Variants in ZCCHC8 observed in about 807,000 individuals in gnomAD.
The protein encoded by ZCCHC8 is zinc finger CCHC domain-containing protein 8.
ZCCHC8 carries 27 observed loss-of-function variants against 70.6 expected under a neutral mutation model. The observed-to-expected ratio is 0.38, with a 90% confidence interval of 0.28 to 0.53. ZCCHC8 has a LOEUF of 0.53. ZCCHC8 is among the 20% of genes least tolerant of loss of function. The pLI, the probability that ZCCHC8 is intolerant of heterozygous loss-of-function variation, is 0.81. For missense variants in ZCCHC8, 737 were observed against 876.9 expected, an observed-to-expected ratio of 0.84 and a Z score of 2.01; for synonymous variants, 293 against 317.4, an observed-to-expected ratio of 0.92 and a Z score of 0.82.
chr12:122,478,171 A>C (rs1170834266), intron 12 of ZCCHC8, 35 bp downstream of exon 12: 2 of 1,504,172 alleles, frequency 1.3e-6, no homozygotes, highest in African/African-American at 2.8e-5. Context: ...AGACACAACA[A>C]CATTTTATAG....
At chr12:122,476,518 C>G (rs890813803) in intron 13 of ZCCHC8, among the ~76,000 whole-genome samples, 1 of 151,466 alleles carries the variant, frequency 6.6e-6, no homozygotes, top group Non-Finnish European at 1.5e-5. Flanking sequence ...TGCTTGATCC[C>G]AGGAGTCTGA....
chr12:122,476,783 G>C (rs1176731876), intron 13 of ZCCHC8, among the ~76,000 whole-genome samples: 1 of 152,100 alleles, frequency 6.6e-6, no homozygotes, highest in Non-Finnish European at 1.5e-5. Context: ...AGCACTTTGG[G>C]AGGTGGAGGC....
chr12:122,473,743 A>T lies in ZCCHC8; in HGVS notation c.1878T>A (p.Asn626Lys), dbSNP rs1957359194. ...TGTCACAGTTTGGTACGACACTGCCATTATCAAGAAGGGCACCTTCAGTGT... is the reference window on the plus strand; with the variant it reads ...TGTCACAGTTTGGTACGACACTGCCTTTATCAAGAAGGGCACCTTCAGTGT... ...PVNTEGALLD[N>K]GSVVPNCDIS... Residue 626 changes from asparagine to lysine, a missense_variant, in exon 14 of 14, where the codon AAT becomes AAA. Asn to Lys is a moderately conservative substitution (Grantham distance 94). Coordinates refer to ENST00000633063, the MANE Select transcript of ZCCHC8 (RefSeq NM_017612.5). 1.9e-6 allele frequency: 3 copies of T among 1,613,784 alleles called. No homozygotes were observed. The highest frequency in any genetic ancestry group is 1.6e-4 in the Middle Eastern group (1 of 6,062).
intron 11 of ZCCHC8, among the ~76,000 whole-genome samples, chr12:122,479,128 T>G (rs1318292499): frequency 6.6e-6 from 1 of 152,250 alleles, no homozygotes; most frequent in African/African-American, 2.4e-5. Flanking sequence ...CAGGCTAAAG[T>G]GCAATGGCAC....
chr12:122,489,303 C>G, intron 5 of ZCCHC8, 83 bp downstream of exon 5: 6 of 1,304,244 alleles, frequency 4.6e-6, no homozygotes, highest in Non-Finnish European at 6.5e-6. Context: ...GACTATACTA[C>G]TTTATCTTTT....
Position 122,473,634 on chromosome 12 carries a change from T to G in ZCCHC8, c.1987A>C (p.Met663Leu), listed in dbSNP as rs139379402. 1 of 1,613,858 alleles carries G rather than the reference T, an allele frequency of 6.2e-7. No individual in the cohort carries two copies. Among genetic ancestry groups the G allele is most frequent in the Non-Finnish European group, 8.5e-7 (1 of 1,179,900 alleles). Reference protein sequence around the residue: ...ATKIHSPIPDMSKFATGITPF... With the variant: ...ATKIHSPIPDLSKFATGITPF... Reference sequence around the variant, plus strand: ...GTGATTCCAGTTGCAAATTTGCTCATGTCAGGTATAGGGCTATGAATTTTA... The same window carrying G: ...GTGATTCCAGTTGCAAATTTGCTCAGGTCAGGTATAGGGCTATGAATTTTA... The change falls in exon 14 of 14, where the codon ATG becomes CTG. Residue 663 changes from methionine (M) to leucine (L), a missense_variant. Coordinates refer to ENST00000633063, the MANE Select transcript of ZCCHC8 (RefSeq NM_017612.5).
intron 13 of ZCCHC8, among the ~76,000 whole-genome samples, chr12:122,474,627 A>G (rs1257698720): frequency 6.6e-6 from 1 of 152,182 alleles, no homozygotes; most frequent in African/African-American, 2.4e-5. Flanking sequence ...GGCAGAATGC[A>G]GTAGGAAATT....
rs1378162365 is a variant in ZCCHC8 at position 122,481,571 on chromosome 12, G to C, written c.969C>G (p.Leu323=). Residue 323 remains leucine, a synonymous_variant, in exon 10 of 14, where the codon CTC becomes CTG. Transcript: ENST00000633063. The part of the protein sequence containing the change: ...MRQLGYPPGW[L]KEAELENSGL... The stretch of plus-strand genomic sequence containing the variant: ...CCGAATTCTCCAATTCAGCCTCTTT[G>C]AGCCACCCTGGTGGGTACCCTAGCT... 6.2e-7 allele frequency: 1 copy of C among 1,613,660 alleles called. No homozygotes were observed. Among genetic ancestry groups the C allele is most frequent in the Non-Finnish European group, 8.5e-7 (1 of 1,179,844 alleles).
intron 2 of ZCCHC8, among the ~76,000 whole-genome samples, chr12:122,494,777 C>A (rs866223672): frequency 1.3e-5 from 2 of 152,170 alleles, no homozygotes; most frequent in Non-Finnish European, 2.9e-5. Flanking sequence ...ATTGCTTGAA[C>A]AGGGGAGGCG....
chr12:122,490,206 A>T (rs888293098), intron 4 of ZCCHC8, among the ~76,000 whole-genome samples: 7 of 152,248 alleles, frequency 4.6e-5, no homozygotes, highest in African/African-American at 1.7e-4. Flanking sequence ...AGAAACTTAG[A>T]TTTTTTTCTG....
intron 11 of ZCCHC8, 143 bp from the exon 12 acceptor site, chr12:122,478,435 G>GC (rs1289169395): frequency 4.7e-6 from 3 of 636,032 alleles, no homozygotes; most frequent in Non-Finnish European, 8.2e-6. Context: ...GGAAATTAAG[G>GC]AAAATAATGT....
chr12:122,494,296 G>T (rs1361077275), intron 2 of ZCCHC8, among the ~76,000 whole-genome samples: 1 of 152,054 alleles, frequency 6.6e-6, no homozygotes, highest in Non-Finnish European at 1.5e-5. Flanking sequence ...GCTCATGCCT[G>T]TAATCCCAGC....
At chr12:122,490,612 A>C in intron 3 of ZCCHC8, 45 bp from the exon 4 acceptor site, 1 of 1,238,490 alleles carries the variant, frequency 8.1e-7, no homozygotes, top group Non-Finnish European at 1.1e-6. Context: ...AGAGTAAAAC[A>C]TTCAATAGAC....
chr12:122,496,506 A>G (rs11058402), intron 2 of ZCCHC8, among the ~76,000 whole-genome samples: 120,334 of 152,154 alleles, frequency 0.79, 48,093 homozygotes, highest in African/African-American at 0.89. Flanking sequence ...GAAAGTGTAA[A>G]CTTATCTAAA....
At chr12:122,491,327 G>A (rs1039814436) in intron 3 of ZCCHC8, among the ~76,000 whole-genome samples, 3 of 152,090 alleles carry the variant, frequency 2.0e-5, no homozygotes, top group East Asian at 3.9e-4. Context: ...TCAGGAGTTC[G>A]AGACCAGCCT....
At chr12:122,494,280 G>A (rs899004547) in intron 2 of ZCCHC8, among the ~76,000 whole-genome samples, 3 of 152,198 alleles carry the variant, frequency 2.0e-5, no homozygotes, top group East Asian at 3.9e-4. Context: ...GAGGCTGGGC[G>A]CAGTGGCTCA....
chr12:122,490,694 G>T, intron 3 of ZCCHC8, 127 bp from the exon 4 acceptor site: 1 of 527,390 alleles, frequency 1.9e-6, no homozygotes, highest in Non-Finnish European at 3.2e-6. Context: ...ATAAATCACT[G>T]ACTCTGTAAT....
In ZCCHC8 at chr12:122,480,224, C is replaced by A; in HGVS notation, c.1106G>T (p.Gly369Val). 1 of 1,598,858 alleles carries A rather than the reference C, an allele frequency of 6.3e-7. No individual in the cohort carries two copies. The highest frequency in any genetic ancestry group is 8.5e-7 in the Non-Finnish European group (1 of 1,170,438). Residue 369 changes from glycine (G) to valine (V), a missense_variant, in exon 11 of 14, where the codon GGT becomes GTT. By Grantham distance (109) the Gly-to-Val change is moderately radical (BLOSUM62 -3). Transcript: ENST00000633063. Reference protein sequence around the residue: ...YDLSKLVNYPGFNISTPRGIP... With the variant: ...YDLSKLVNYPVFNISTPRGIP... The stretch of plus-strand genomic sequence containing the variant: ...TCCTCTGGGAGTAGATATATTAAAA[C>A]CAGGATAGTTGACCAATTTTGAGAG...
intron 2 of ZCCHC8, among the ~76,000 whole-genome samples, chr12:122,496,441 T>C (rs1183224025): frequency 6.6e-6 from 1 of 152,160 alleles, no homozygotes. Flanking sequence ...TGAACTCGGA[T>C]AAAAATCACC....
Sources: gnomAD v4.1 joint callset for allele counts (sites outside exome capture counted in the v4.1 genomes callset) on GRCh38, gnomAD v4.1.1 for gene constraint, MANE v1.5 for transcripts, NCBI Gene and HGNC (gene_info 2026-07-23, HGNC 2026-07-21) for gene names.